The following PRKCSH variants were observed in gnomAD, a reference collection of about 807,000 sequenced individuals.
PRKCSH encodes the protein PRKCSH beta subunit of glucosidase II.
In PRKCSH, 42 loss-of-function variants were observed where a neutral mutation model predicts 79.7. The ratio of observed to expected loss-of-function variants is 0.53; its 90% CI spans 0.41 to 0.68. PRKCSH has a LOEUF of 0.68. Among genes scored for constraint, PRKCSH ranks in the 30% least tolerant of loss-of-function variants. The probability of loss-of-function intolerance (pLI) is 0.00; values close to 1 mark genes in which losing one functional copy is unlikely to be tolerated. For missense variants in PRKCSH, 686 were observed against 709.0 expected (o/e 0.97, Z 0.37); for synonymous variants, 325 against 288.2 (o/e 1.13, Z -1.29).
At position 11,436,133 on chromosome 19, in the gene PRKCSH, C is replaced by T. The variant is rs1240193013; in HGVS notation, c.16C>T (p.Leu6=). The T allele has an allele frequency of 6.2e-7, 1 of 1,608,466 alleles. No homozygotes were observed. The highest frequency in any genetic ancestry group is 1.7e-5 in the Admixed American group (1 of 59,796). MLLPL[L]LLLPMCWAVE... The stretch of plus-strand genomic sequence containing the variant: ...GTCTGGTGAGATGCTGTTGCCGCTG[C>T]TGCTGCTGCTACCCATGTGCTGGGC... Residue 6 remains leucine, a synonymous_variant, in exon 2 of 18, where the codon CTG becomes TTG. Coordinates refer to ENST00000677123, the MANE Select transcript of PRKCSH (RefSeq NM_001289104.2).
At chr19:11,450,503 A>G (rs78916401) in intron 17 of PRKCSH, 143 bp from the exon 18 acceptor site, 2 of 151,952 alleles carry the variant, frequency 1.3e-5, no homozygotes, top group South Asian at 4.2e-4. Context: ...TAATAAGAGA[A>G]AATAGACAAG....
Position 11,437,948 on chromosome 19 carries a change from A to G in PRKCSH, c.269A>G (p.Asn90Ser). ...TGYKPLYIPS[N>S]RVNDGVCDCC... ...TATAAGCCCCTGTATATCCCCTCCA[A>G]CCGGGTCAACGATGGTGTTTGTGGT... is the stretch of plus-strand genomic sequence containing the variant. Residue 90 changes from asparagine to serine, a missense_variant, in exon 4 of 18, where the codon AAC (asparagine) becomes AGC (serine). By Grantham distance (46) the Asn-to-Ser change is conservative. This residue lies in a region of PRKCSH where 549 missense variants were observed against 520.2 expected (regional missense o/e 1.06). Transcript: ENST00000677123. 5 of 1,614,010 alleles carry G rather than the reference A, an allele frequency of 3.1e-6. No individual in the cohort carries two copies. The highest frequency in any genetic ancestry group is 4.2e-6 in the Non-Finnish European group (5 of 1,179,956).
At chr19:11,446,385 G>A (rs1202889425) in intron 9 of PRKCSH, 35 bp downstream of exon 9, 2 of 1,600,096 alleles carry the variant, frequency 1.2e-6, no homozygotes, top group Non-Finnish European at 1.7e-6. Flanking sequence ...GGGACTTCTA[G>A]GGAGCATTGC....
intron 7 of PRKCSH, among the ~76,000 whole-genome samples, chr19:11,444,554 T>G (rs2144834032): frequency 6.6e-6 from 1 of 152,278 alleles, no homozygotes; most frequent in Admixed American, 6.5e-5. Flanking sequence ...ATACCAGCTG[T>G]TTTTATTCTG....
chr19:11,445,489 T>C lies in PRKCSH; in HGVS notation c.683+16T>C, dbSNP rs1248106289. 1 of 1,612,586 alleles carries C rather than the reference T, an allele frequency of 6.2e-7. No homozygotes were observed. Among genetic ancestry groups the C allele is most frequent in the Non-Finnish European group, 8.5e-7 (1 of 1,179,036 alleles). On this transcript the variant is annotated intron_variant, in intron 8 of 17. Coordinates refer to ENST00000677123, the MANE Select transcript of PRKCSH (RefSeq NM_001289104.2). ...TGGACGGGACGTGAGTGTCCCCTAG[T>C]TGGAGCTGCCCACCTTTCCGTGGGC...
chr19:11,448,176 C>T lies in PRKCSH; in HGVS notation c.1127-46C>T. 6.6e-7 allele frequency: 1 copy of T among 1,520,646 alleles called. No individual in the cohort carries two copies. Among genetic ancestry groups the T allele is most frequent in the East Asian group, 2.5e-5 (1 of 40,752 alleles). The allele number at this position is 1,520,646 out of a possible 1,614,324, so 94.2% of individuals were successfully genotyped here. A position where few individuals can be genotyped will look rare whatever the true frequency, so the allele number is the denominator to read the frequency against. ...TCCATGGAACCCCGTTCCCCATCCT[C>T]CTGGATGGGGTTGAGGACATCTCTG... On this transcript the variant is annotated intron_variant, in intron 12 of 17. Transcript: ENST00000677123. This position sits in a 1 kb window ranked among gnomAD's most constrained non-coding sequence, Gnocchi z 4.4.
At chr19:11,445,576 C>A (rs776126163) in intron 8 of PRKCSH, 103 bp downstream of exon 8, 35 of 1,175,796 alleles carry the variant, frequency 3.0e-5, no homozygotes, top group Non-Finnish European at 4.2e-5. Flanking sequence ...TTGGGTTCCC[C>A]CGGCGTGGGG....
Position 11,447,393 on chromosome 19 carries a change from G to A in PRKCSH, c.850-46G>A, listed in dbSNP as rs1266951603. On this transcript the variant is annotated intron_variant, in intron 10 of 17. Transcript: ENST00000677123. The surrounding 1 kb of genome is among the most constrained non-coding windows in gnomAD (Gnocchi z 5.6). ...GCTGTGGTGTGAGCCTGAGGGTGTG[G>A]GTGGACCCTGAGTCCACAACACCGA... The A allele has an allele frequency of 3.2e-6, 5 of 1,583,668 alleles. No individual in the cohort carries two copies. The highest frequency in any genetic ancestry group is 3.5e-6 in the Non-Finnish European group (4 of 1,154,558).
chr19:11,450,466 G>A (rs1970558867), intron 17 of PRKCSH, 180 bp from the exon 18 acceptor site: 1 of 147,614 alleles, frequency 6.8e-6, no homozygotes, highest in Non-Finnish European at 1.5e-5. Flanking sequence ...GCTACAGAGT[G>A]AGACTCTCAA....
intron 8 of PRKCSH, 177 bp downstream of exon 8, chr19:11,445,650 G>A: frequency 1.4e-6 from 1 of 690,426 alleles, no homozygotes; most frequent in Non-Finnish European, 2.6e-6. Flanking sequence ...GGTCCAGGAT[G>A]CCCTGGGCGA....
At position 11,446,263 on chromosome 19, in the gene PRKCSH, C is replaced by T; in HGVS notation, c.684-9C>T. On this transcript the variant is annotated splice_polypyrimidine_tract_variant and intron_variant, in intron 8 of 17. Transcript: ENST00000677123. ...ACCCCTCCAGTCTGCTTCTGCCACG[C>T]CCCCGCAGGGTCTCGGTGACTGAGC... 6.2e-7 allele frequency: 1 copy of T among 1,613,130 alleles called. No individual in the cohort carries two copies. Among genetic ancestry groups the T allele is most frequent in the Non-Finnish European group, 8.5e-7 (1 of 1,179,704 alleles).
intron 5 of PRKCSH, among the ~76,000 whole-genome samples, chr19:11,440,601 C>T (rs1021273430): frequency 5.3e-5 from 8 of 151,906 alleles, no homozygotes; most frequent in African/African-American, 1.5e-4. Context: ...TGTAGCTGGG[C>T]GCCACCACGC....
Position 11,449,648 on chromosome 19 carries a change from T to C in PRKCSH, c.*16+220T>C, listed in dbSNP as rs1970501209. The stretch of plus-strand genomic sequence containing the variant: ...ACCTCTACCTCCCGGGTTCAAACAA[T>C]TGTCTTGTCTCAGCCTCCCAAGTAG... On this transcript the variant is annotated intron_variant, in intron 17 of 17. Transcript: ENST00000677123. The surrounding 1 kb of genome is among the most constrained non-coding windows in gnomAD (Gnocchi z 6.4). 1.7e-6 allele frequency: 1 copy of C among 595,754 alleles called. No individual in the cohort carries two copies. The highest frequency in any genetic ancestry group is 3.0e-5 in the Admixed American group (1 of 33,800). The allele number at this position is 595,754 out of a possible 1,614,324, so 36.9% of individuals were successfully genotyped here. A position where few individuals can be genotyped will look rare whatever the true frequency, so the allele number is the denominator to read the frequency against.
chr19:11,448,722 C>T lies in PRKCSH; in HGVS notation c.1286+93C>T, dbSNP rs1431681147. ...GGCAGTTTCCTGATGGTTGGGGAAC[C>T]ATCTGCGGGTGGGGCCCGAGAGTGC... On this transcript the variant is annotated intron_variant, in intron 14 of 17. Transcript: ENST00000677123. This position sits in a 1 kb window ranked among gnomAD's most constrained non-coding sequence, Gnocchi z 4.4. 1 of 1,403,756 alleles carries T rather than the reference C, an allele frequency of 7.1e-7. No individual in the cohort carries two copies. Among genetic ancestry groups the T allele is most frequent in the East Asian group, 2.3e-5 (1 of 43,874 alleles). 87.0% of individuals were successfully genotyped at this position (1,403,756 alleles called of 1,614,324 possible). A position where few individuals can be genotyped will look rare whatever the true frequency, so the allele number is the denominator to read the frequency against.
At chr19:11,445,275 C>G in intron 7 of PRKCSH, 114 bp from the exon 8 acceptor site, 2 of 940,132 alleles carry the variant, frequency 2.1e-6, no homozygotes, top group Middle Eastern at 3.1e-4. Context: ...TCCTCAGGGT[C>G]CAGCATGGGG....
At chr19:11,446,027 T>C (rs1970280092) in intron 8 of PRKCSH, among the ~76,000 whole-genome samples, 1 of 151,466 alleles carries the variant, frequency 6.6e-6, no homozygotes, top group African/African-American at 2.4e-5. Context: ...GGTGAGTTGG[T>C]AGAGAGGTCA....
chr19:11,437,266 G>C (rs1424125587), intron 3 of PRKCSH, among the ~76,000 whole-genome samples: 3 of 150,996 alleles, frequency 2.0e-5, no homozygotes, highest in Non-Finnish European at 4.4e-5. Context: ...TCTCGATCTC[G>C]TCACCTTGTG....
chr19:11,446,942 G>A (rs1312100390), intron 9 of PRKCSH, 132 bp from the exon 10 acceptor site: 9 of 907,176 alleles, frequency 9.9e-6, no homozygotes, highest in Middle Eastern at 2.2e-4. Context: ...CCTCACTGGC[G>A]TGGCCCTGGC....
Position 11,447,751 on chromosome 19 carries a change from T to C in PRKCSH, c.1088T>C (p.Met363Thr). 6.3e-7 allele frequency: 1 copy of C among 1,596,302 alleles called. No homozygotes were observed. The highest frequency in any genetic ancestry group is 8.5e-7 in the Non-Finnish European group (1 of 1,172,158). Residue 363 changes from methionine (M) to threonine (T), a missense_variant, in exon 12 of 18, where the codon ATG becomes ACG. Around this residue, in one of 2 missense-constraint regions of PRKCSH, gnomAD observed 549 missense variants for 520.2 expected, o/e 1.06. Transcript: ENST00000677123. This position sits in a 1 kb window ranked among gnomAD's most constrained non-coding sequence, Gnocchi z 5.6. ...GCCAGCCCTGCTGAGGAAGACAAAATGCCGCCCTACGACGAGCAGACGCAG... is the reference window on the plus strand; with the variant it reads ...GCCAGCCCTGCTGAGGAAGACAAAACGCCGCCCTACGACGAGCAGACGCAG... The part of the protein sequence containing the change: ...QPASPAEEDK[M>T]PPYDEQTQAF...
Sources: allele counts gnomAD v4.1 joint callset (sites outside exome capture counted in the v4.1 genomes callset), GRCh38; gene constraint gnomAD v4.1.1; regional missense constraint gnomAD v4.1.1; non-coding constraint Gnocchi (gnomAD v3.1); transcripts MANE v1.5; gene names NCBI Gene and HGNC (gene_info 2026-07-23, HGNC 2026-07-21).